Variants in ZNF540 observed in about 807,000 individuals in gnomAD.
ZNF540 encodes zinc finger protein 540.
ZNF540 carries 3 observed loss-of-function variants against 11.8 expected under a neutral mutation model. The observed-to-expected ratio is 0.25, with a 90% confidence interval of 0.12 to 0.65. The LOEUF is 0.65. Among genes scored for constraint, ZNF540 ranks in the 30% least tolerant of loss-of-function variants. The probability of loss-of-function intolerance (pLI) is 0.83; values close to 1 mark genes in which losing one functional copy is unlikely to be tolerated. For missense variants in ZNF540, 709 were observed against 793.1 expected (o/e 0.89, Z 1.27); for synonymous variants, 247 against 259.0 (o/e 0.95, Z 0.45).
intron 1 of ZNF540, among the ~76,000 whole-genome samples, chr19:37,577,393 C>A (rs1465176739): frequency 6.6e-6 from 1 of 152,066 alleles, no homozygotes; most frequent in East Asian, 1.9e-4. Flanking sequence ...TCAACAGAAC[C>A]TAACAATTAT....
Position 37,601,070 on chromosome 19 carries a change from T to C in ZNF540, c.197T>C (p.Val66Ala). The C allele has an allele frequency of 6.3e-7, 1 of 1,589,038 alleles. No homozygotes were observed. The change falls in exon 4 of 5, where the codon GTG becomes GCG. Residue 66 changes from valine (V) to alanine (A), a missense_variant. Val to Ala is a moderately conservative substitution (Grantham distance 64). Transcript: ENST00000316433. ...CTGGAGCAAGGGAAAGAGCCCTGCG[T>C]GGTGGCGAGGGATGTGACAGGAAGA... Reference protein sequence around the residue: ...TLLEQGKEPCVVARDVTGRQC... With the variant: ...TLLEQGKEPCAVARDVTGRQC...
chr19:37,579,761 A>G (rs972084874), intron 1 of ZNF540, among the ~76,000 whole-genome samples: 2 of 152,164 alleles, frequency 1.3e-5, no homozygotes, highest in Non-Finnish European at 2.9e-5. Context: ...CTGTGCTTTT[A>G]TTACTCTCTC....
chr19:37,611,349 C>A (rs1461349635), intron 4 of ZNF540, 164 bp from the exon 5 acceptor site: 3 of 556,392 alleles, frequency 5.4e-6, no homozygotes, highest in Non-Finnish European at 9.1e-6. Context: ...TTTCTAAGCT[C>A]ATGTTGCCTA....
intron 1 of ZNF540, among the ~76,000 whole-genome samples, chr19:37,559,372 A>G (rs551714447): frequency 6.6e-6 from 1 of 152,342 alleles, no homozygotes; most frequent in Non-Finnish European, 1.5e-5. Context: ...AATATATTCT[A>G]TATAAATAAA....
chr19:37,565,478 A>C (rs146117020), intron 1 of ZNF540: 2 of 1,613,190 alleles, frequency 1.2e-6, no homozygotes, highest in African/African-American at 2.7e-5. Context: ...TGAACCAAGA[A>C]TAAAGGCCTT....
chr19:37,586,777 C>T, intron 1 of ZNF540: 1 of 1,285,686 alleles, frequency 7.8e-7, no homozygotes, highest in Non-Finnish European at 1.1e-6. Context: ...CAAGATTAGA[C>T]TTGGCTCACA....
chr19:37,593,042 T>C (rs1461489880), upstream of ZNF540, among the ~76,000 whole-genome samples: 19 of 152,118 alleles, frequency 1.2e-4, no homozygotes, highest in Admixed American at 1.2e-3. Context: ...AATCTGAATA[T>C]GGGGGTATAC....
At chr19:37,558,830 GGAGAGAGAGACAGAGAGA>G (rs888828401) in intron 1 of ZNF540, among the ~76,000 whole-genome samples, 23 of 149,484 alleles carry the variant, frequency 1.5e-4, no homozygotes, top group African/African-American at 3.2e-4. Context: ...ATATATATAT[GGAGAGAGAGACAGAGAGA>G]GAGAGAGAGA....
chr19:37,612,981 T>C lies in ZNF540; in HGVS notation c.1701T>C (p.Thr567=). The C allele has an allele frequency of 6.2e-7, 1 of 1,614,124 alleles. No homozygotes were observed. Among genetic ancestry groups the C allele is most frequent in the Non-Finnish European group, 8.5e-7 (1 of 1,180,000 alleles). ...CCTTTAGTCGGCGTGGGCAGTTCAC[T>C]GAACATCAGAAAATTCATACGGGTG... ...GKSFSRRGQF[T]EHQKIHTGVK... The change falls in exon 5 of 5, where the codon ACT becomes ACC. Residue 567 remains threonine, a synonymous_variant. Transcript: ENST00000316433.
intron 4 of ZNF540, among the ~76,000 whole-genome samples, chr19:37,603,376 G>C (rs553344791): frequency 6.6e-6 from 1 of 152,260 alleles, no homozygotes; most frequent in Non-Finnish European, 1.5e-5. Context: ...TAGAGGGAAG[G>C]ATAATTATGG....
Position 37,612,101 on chromosome 19 carries a change from A to G in ZNF540, c.821A>G (p.Lys274Arg). Residue 274 changes from lysine to arginine, a missense_variant, in exon 5 of 5, where the codon AAG becomes AGG. By Grantham distance (26) the Lys-to-Arg change is conservative. Coordinates refer to ENST00000316433, the MANE Select transcript of ZNF540 (RefSeq NM_001172225.3). ...ACTGGTAAAAAACCCTATATGTGTA[A>G]GAAATGTGATAAGGGTTTTTTTAGT... ...IHTGKKPYMC[K>R]KCDKGFFSRL... 1 of 1,611,802 alleles carries G rather than the reference A, an allele frequency of 6.2e-7. No individual in the cohort carries two copies. The highest frequency in any genetic ancestry group is 8.5e-7 in the Non-Finnish European group (1 of 1,179,668).
intron 3 of ZNF540, among the ~76,000 whole-genome samples, chr19:37,599,987 CTTAATAG>C (rs2044026549): frequency 6.6e-6 from 1 of 152,158 alleles, no homozygotes; most frequent in African/African-American, 2.4e-5. Flanking sequence ...TTACTTCTTC[CTTAATAG>C]TTAAGAGACT....
chr19:37,558,778 CAAGTAGA>C (rs2042687520), intron 1 of ZNF540, among the ~76,000 whole-genome samples: 1 of 151,826 alleles, frequency 6.6e-6, no homozygotes, highest in African/African-American at 2.4e-5. Context: ...AATGTGTCTC[CAAGTAGA>C]AAGTTTGTGT....
chr19:37,566,395 T>C, intron 1 of ZNF540: 2 of 1,313,276 alleles, frequency 1.5e-6, no homozygotes, highest in Non-Finnish European at 1.0e-6. Flanking sequence ...AAGAATAGAA[T>C]GGCTTAAACA....
At chr19:37,607,389 A>C (rs1218778119) in intron 4 of ZNF540, among the ~76,000 whole-genome samples, 1 of 152,206 alleles carries the variant, frequency 6.6e-6, no homozygotes, top group Non-Finnish European at 1.5e-5. Context: ...AACTTTGAAA[A>C]ATATATAATG....
At position 37,613,084 on chromosome 19, in the gene ZNF540, A is replaced by C. The variant is rs1306769046; in HGVS notation, c.1804A>C (p.Thr602Pro). 1 of 1,613,962 alleles carries C rather than the reference A, an allele frequency of 6.2e-7. No individual in the cohort carries two copies. Among genetic ancestry groups the C allele is most frequent in the East Asian group, 2.2e-5 (1 of 44,872 alleles). ...CCTTAGAATACATCAAAGAATTCAT[A>C]CTGGTGAGAAACCCTATGAGTGTAA... The part of the protein sequence containing the change: ...VDLRIHQRIH[T>P]GEKPYECKQC... Residue 602 changes from threonine (T) to proline (P), a missense_variant, in exon 5 of 5, where the codon ACT (threonine) becomes CCT (proline). By Grantham distance (38) the Thr-to-Pro change is conservative. Coordinates refer to ENST00000316433, the MANE Select transcript of ZNF540 (RefSeq NM_001172225.3).
At chr19:37,599,139 CAGA>C in intron 2 of ZNF540, among the ~76,000 whole-genome samples, 1 of 151,960 alleles carries the variant, frequency 6.6e-6, no homozygotes, top group Non-Finnish European at 1.5e-5. Flanking sequence ...GCGTGGGCAA[CAGA>C]GTGAGATCTC....
intron 4 of ZNF540, among the ~76,000 whole-genome samples, chr19:37,602,627 C>T (rs1435694248): frequency 6.6e-6 from 1 of 152,138 alleles, no homozygotes; most frequent in African/African-American, 2.4e-5. Context: ...GAGAAAGAGA[C>T]TGAGGCCCAG....
At position 37,613,830 on chromosome 19, in the gene ZNF540, C is replaced by T. The variant is rs1198539078; in HGVS notation, c.*567C>T. ...TCCCGTAACAATTCCTATGTTGAAA[C>T]ACGAATCCCAAGGTGATGGTATTTG... On this transcript the variant is annotated 3_prime_UTR_variant, in exon 5 of 5. Coordinates refer to ENST00000316433, the MANE Select transcript of ZNF540 (RefSeq NM_001172225.3). 2 of 398,432 alleles carry T rather than the reference C, an allele frequency of 5.0e-6. No homozygotes were observed. Among genetic ancestry groups the T allele is most frequent in the Non-Finnish European group, 8.8e-6 (2 of 226,090 alleles). The allele number at this position is 398,432 out of a possible 1,614,324, so 24.7% of individuals were successfully genotyped here. A position where few individuals can be genotyped will look rare whatever the true frequency, so the allele number is the denominator to read the frequency against.
Sources: gnomAD v4.1 joint callset for allele counts (sites outside exome capture counted in the v4.1 genomes callset) on GRCh38, gnomAD v4.1.1 for gene constraint, MANE v1.5 for transcripts, NCBI Gene and HGNC (gene_info 2026-07-23, HGNC 2026-07-21) for gene names.